TAFA4: variants seen among roughly 807,000 people sequenced by gnomAD.
TAFA4 encodes chemokine-like protein TAFA-4.
A neutral mutation model predicts 21.1 loss-of-function variants in TAFA4; 20 were observed. That is an observed-to-expected ratio of 0.95 (90% CI 0.67 to 1.38). TAFA4 has a LOEUF of 1.38. Among genes scored for constraint, TAFA4 ranks in the 40% most tolerant of loss-of-function variants. TAFA4 has a pLI of 0.00. For missense variants in TAFA4, 211 were observed against 180.9 expected (o/e 1.17, Z -0.95); for synonymous variants, 71 against 67.4 (o/e 1.05, Z -0.26).
chr3:68,805,060 A>G (rs1703662600), intron 3 of TAFA4, among the ~76,000 whole-genome samples: 1 of 152,232 alleles, frequency 6.6e-6, no homozygotes, highest in Admixed American at 6.5e-5. Context: ...CTCATCTGAC[A>G]AAGGGCTAAT....
At chr3:68,786,924 G>T (rs1026031962) in intron 3 of TAFA4, among the ~76,000 whole-genome samples, 3 of 152,144 alleles carry the variant, frequency 2.0e-5, no homozygotes, top group Admixed American at 6.5e-5. Context: ...GTGGAAGAAG[G>T]TTTTTGTCTT....
intron 3 of TAFA4, among the ~76,000 whole-genome samples, chr3:68,773,086 G>C (rs530026600): frequency 6.6e-6 from 1 of 152,118 alleles, no homozygotes; most frequent in African/African-American, 2.4e-5. Context: ...CCTATAATAG[G>C]GAATATTATA....
At chr3:68,856,769 G>C (rs1705079339) in intron 3 of TAFA4, among the ~76,000 whole-genome samples, 1 of 152,070 alleles carries the variant, frequency 6.6e-6, no homozygotes, top group Admixed American at 6.6e-5. Flanking sequence ...TCCTACTCAG[G>C]GACATGCAGG....
intron 3 of TAFA4, among the ~76,000 whole-genome samples, chr3:68,807,487 C>A (rs1703727195): frequency 6.6e-6 from 1 of 152,164 alleles, no homozygotes; most frequent in African/African-American, 2.4e-5. Context: ...ATTGGGTAGA[C>A]AATGACATTT....
At chr3:68,777,534 T>C (rs1703070633) in intron 3 of TAFA4, among the ~76,000 whole-genome samples, 1 of 152,116 alleles carries the variant, frequency 6.6e-6, no homozygotes, top group Admixed American at 6.5e-5. Context: ...GTGCCTGCCT[T>C]ATTGGATAGT....
intron 1 of TAFA4, among the ~76,000 whole-genome samples, chr3:68,906,440 T>C (rs12714748): frequency 0.44 from 66,996 of 152,024 alleles, 15,416 homozygotes; most frequent in African/African-American, 0.57. Flanking sequence ...AAATACTATG[T>C]TGAAAACTTG....
chr3:68,826,522 G>C (rs558882325), intron 3 of TAFA4, among the ~76,000 whole-genome samples: 1 of 148,604 alleles, frequency 6.7e-6, no homozygotes, highest in South Asian at 2.1e-4. Context: ...GCAGTGAGCC[G>C]AGATCGCGCC....
intron 3 of TAFA4, among the ~76,000 whole-genome samples, chr3:68,770,422 G>A (rs1304568941): frequency 6.6e-6 from 1 of 152,154 alleles, no homozygotes. Context: ...TATCTGTGAG[G>A]AATGAGACTG....
At chr3:68,745,187 T>C (rs1032144978) in intron 4 of TAFA4, among the ~76,000 whole-genome samples, 1 of 152,002 alleles carries the variant, frequency 6.6e-6, no homozygotes, top group Non-Finnish European at 1.5e-5. Context: ...GAGAATAAGG[T>C]GATTAAACAG....
chr3:68,777,640 A>G (rs902365013), intron 3 of TAFA4, among the ~76,000 whole-genome samples: 9 of 152,138 alleles, frequency 5.9e-5, no homozygotes, highest in Admixed American at 2.0e-4. Flanking sequence ...AAACTACTCA[A>G]TTCAAAAAAA....
At chr3:68,753,110 A>C (rs1702589661) in intron 3 of TAFA4, 92 bp from the exon 4 acceptor site, 5 of 1,185,276 alleles carry the variant, frequency 4.2e-6, no homozygotes, top group South Asian at 2.8e-5. Context: ...GACATTTTCC[A>C]ACTTCCTGTG....
chr3:68,771,656 A>C (rs1230025028), intron 3 of TAFA4, among the ~76,000 whole-genome samples: 1 of 152,248 alleles, frequency 6.6e-6, no homozygotes, highest in African/African-American at 2.4e-5. Context: ...ATGAAATTCC[A>C]GTAAAATTTT....
intron 3 of TAFA4, among the ~76,000 whole-genome samples, chr3:68,759,421 G>A (rs1425147708): frequency 6.6e-6 from 1 of 152,142 alleles, no homozygotes; most frequent in Non-Finnish European, 1.5e-5. Context: ...CAGTATTGTA[G>A]GATGGGAGAA....
At chr3:68,768,437 A>T (rs1272804642) in intron 3 of TAFA4, among the ~76,000 whole-genome samples, 2 of 152,208 alleles carry the variant, frequency 1.3e-5, no homozygotes, top group Non-Finnish European at 2.9e-5. Flanking sequence ...ATTATCAAAA[A>T]GACAAAAAAT....
chr3:68,927,055 A>C (rs1213604089), intron 1 of TAFA4, among the ~76,000 whole-genome samples: 1 of 152,190 alleles, frequency 6.6e-6, no homozygotes, highest in African/African-American at 2.4e-5. Flanking sequence ...TGTAACAATC[A>C]AAAAAATGTC....
intron 1 of TAFA4, among the ~76,000 whole-genome samples, chr3:68,919,848 G>A (rs1264773001): frequency 2.0e-5 from 3 of 152,262 alleles, no homozygotes; most frequent in East Asian, 3.9e-4. Flanking sequence ...GAGACTTTCT[G>A]CAGTCCCCAC....
chr3:68,907,326 C>T (rs1238702724), intron 1 of TAFA4, among the ~76,000 whole-genome samples: 1 of 152,190 alleles, frequency 6.6e-6, no homozygotes, highest in Non-Finnish European at 1.5e-5. Flanking sequence ...TTCTAGCCAG[C>T]TCTTTAAAGT....
intron 3 of TAFA4, among the ~76,000 whole-genome samples, chr3:68,767,228 T>G (rs768095559): frequency 3.9e-5 from 6 of 152,050 alleles, no homozygotes; most frequent in Non-Finnish European, 7.4e-5. Flanking sequence ...GAGGATATGC[T>G]ATAGCAAAAT....
intron 3 of TAFA4, among the ~76,000 whole-genome samples, chr3:68,853,195 C>T (rs1414551438): frequency 1.3e-5 from 2 of 151,766 alleles, no homozygotes; most frequent in Non-Finnish European, 2.9e-5. Flanking sequence ...TCTTTATTAG[C>T]TTTAATTACT....
Sources: gnomAD v4.1 joint callset for allele counts (sites outside exome capture counted in the v4.1 genomes callset) on GRCh38, gnomAD v4.1.1 for gene constraint, MANE v1.5 for transcripts, NCBI Gene and HGNC (gene_info 2026-07-23, HGNC 2026-07-21) for gene names.